Variants in UNC13C observed in about 807,000 individuals in gnomAD.
UNC13C encodes unc-13 homolog C, also known as protein unc-13 homolog C.
In UNC13C, 174 loss-of-function variants were observed where a neutral mutation model predicts 245.4. That is an observed-to-expected ratio of 0.71 (90% confidence interval 0.63 to 0.80). The LOEUF is 0.80. Among genes scored for constraint, UNC13C ranks in the 30% least tolerant of loss-of-function variants. UNC13C has a pLI of 0.00. For missense variants in UNC13C, 2,829 were observed against 2,602.9 expected (o/e 1.09, Z -1.89); for synonymous variants, 992 against 895.1 (o/e 1.11, Z -1.93).
chr15:54,345,695 C>G (rs1190137314), intron 17 of UNC13C, among the ~76,000 whole-genome samples: 2 of 152,198 alleles, frequency 1.3e-5, no homozygotes, highest in Non-Finnish European at 2.9e-5. Context: ...CAACCTGCCA[C>G]CCCACTATAT....
At chr15:54,317,641 C>A (rs2038042410) in intron 13 of UNC13C, among the ~76,000 whole-genome samples, 1 of 151,840 alleles carries the variant, frequency 6.6e-6, no homozygotes, top group South Asian at 2.1e-4. Flanking sequence ...ACATATTTAT[C>A]ATGTACAATA....
chr15:54,451,877 A>G (rs1891198999), intron 19 of UNC13C, among the ~76,000 whole-genome samples: 1 of 152,164 alleles, frequency 6.6e-6, no homozygotes, highest in Non-Finnish European at 1.5e-5. Context: ...CACCTGATAT[A>G]ACAGTTGCCT....
chr15:53,926,512 A>G, the UNC13C span, among the ~76,000 whole-genome samples: 433 of 152,338 alleles, frequency 2.8e-3, no homozygotes, highest in African/African-American at 0.01. Flanking sequence ...GGATAATGAA[A>G]CAGAAATATT....
At chr15:54,471,877 C>T (rs954043362) in intron 19 of UNC13C, among the ~76,000 whole-genome samples, 1 of 151,582 alleles carries the variant, frequency 6.6e-6, no homozygotes, top group Non-Finnish European at 1.5e-5. Flanking sequence ...ATGTAGCTAG[C>T]ATATAGTTGG....
chr15:54,217,820 C>T (rs2035088388), intron 4 of UNC13C, among the ~76,000 whole-genome samples: 2 of 151,846 alleles, frequency 1.3e-5, no homozygotes, highest in Admixed American at 6.6e-5. Context: ...CTGACTAACC[C>T]TCTTTAGTGT....
intron 4 of UNC13C, among the ~76,000 whole-genome samples, chr15:54,182,102 G>A (rs1233801259): frequency 6.6e-6 from 1 of 151,970 alleles, no homozygotes; most frequent in Non-Finnish European, 1.5e-5. Flanking sequence ...GAGCATCCTT[G>A]TCTTGTTTTA....
At chr15:54,142,975 C>T in intron 2 of UNC13C, 43 bp from the exon 3 acceptor site, 2 of 1,575,084 alleles carry the variant, frequency 1.3e-6, no homozygotes, top group Non-Finnish European at 1.7e-6. Context: ...TTGAAAAGTA[C>T]TCCATCTAAC....
At chr15:54,274,215 C>A (rs1265266107) in intron 10 of UNC13C, among the ~76,000 whole-genome samples, 1 of 152,046 alleles carries the variant, frequency 6.6e-6, no homozygotes, top group Non-Finnish European at 1.5e-5. Context: ...AGATATTTGA[C>A]TCCAAATAAA....
At chr15:54,565,776 AT>A (rs1483880209) in intron 29 of UNC13C, among the ~76,000 whole-genome samples, 1 of 152,004 alleles carries the variant, frequency 6.6e-6, no homozygotes, top group Non-Finnish European at 1.5e-5. Flanking sequence ...ATTATTATTA[AT>A]TTTCTACAAT....
At chr15:53,896,706 T>A in the UNC13C span, among the ~76,000 whole-genome samples, 1 of 152,156 alleles carries the variant, frequency 6.6e-6, no homozygotes, top group Non-Finnish European at 1.5e-5. Flanking sequence ...TCCCTAAAGA[T>A]GTAAGGAGTG....
chr15:54,386,018 T>C (rs1481335866), intron 17 of UNC13C, among the ~76,000 whole-genome samples: 1 of 152,126 alleles, frequency 6.6e-6, no homozygotes, highest in Non-Finnish European at 1.5e-5. Context: ...TATCAATCAT[T>C]TTGTTCCCTG....
At chr15:54,078,740 T>C (rs1898772318) in intron 2 of UNC13C, among the ~76,000 whole-genome samples, 1 of 152,156 alleles carries the variant, frequency 6.6e-6, no homozygotes, top group African/African-American at 2.4e-5. Context: ...GTTGAGTGTG[T>C]AGTTTGCAAA....
chr15:53,924,246 AAG>A, the UNC13C span, among the ~76,000 whole-genome samples: 33,719 of 151,982 alleles, frequency 0.22, 4,295 homozygotes, highest in Middle Eastern at 0.28. Context: ...AAAACAAAAA[AAG>A]AGATAGCACG....
rs59965194 is a variant in UNC13C, at chr15:54,089,660, C to CTT, written c.2984-53342_2984-53341dup. Among the ~76,000 whole-genome samples the CTT allele has an allele frequency of 1.1e-3, 157 of 140,466 alleles. 1 individual carries two copies. Among genetic ancestry groups the CTT allele is most frequent in the South Asian group, 1.3e-3 (6 of 4,526 alleles). The allele number at this position is 140,466 out of a possible 152,430, so 92.2% of individuals were successfully genotyped here. A position where few individuals can be genotyped will look rare whatever the true frequency, so the allele number is the denominator to read the frequency against. The stretch of plus-strand genomic sequence containing the variant: ...CACTTATGGTTATTGCTTCCAATAT[C>CTT]TTTTTTTTTTTTTTTTTCCCACAAC... On this transcript the variant is annotated intron_variant, in intron 2 of 32. Coordinates refer to ENST00000260323, the MANE Select transcript of UNC13C (RefSeq NM_001080534.3).
At chr15:54,592,324 TAC>T (rs928257022) in intron 30 of UNC13C, among the ~76,000 whole-genome samples, 1 of 152,182 alleles carries the variant, frequency 6.6e-6, no homozygotes, top group Non-Finnish European at 1.5e-5. Context: ...AGTTCCAAGG[TAC>T]AGTTTAAATC....
intron 13 of UNC13C, among the ~76,000 whole-genome samples, chr15:54,301,054 C>T (rs1377896917): frequency 1.3e-5 from 2 of 152,096 alleles, no homozygotes; most frequent in Admixed American, 1.3e-4. Context: ...CAGAAGTATT[C>T]ATTACTTCCC....
At chr15:54,434,739 C>A (rs1029846021) in intron 19 of UNC13C, among the ~76,000 whole-genome samples, 2 of 152,016 alleles carry the variant, frequency 1.3e-5, no homozygotes, top group Non-Finnish European at 2.9e-5. Context: ...CAAATGGGAT[C>A]TAATTAAACT....
intron 29 of UNC13C, among the ~76,000 whole-genome samples, chr15:54,557,533 T>C (rs1897138560): frequency 6.6e-6 from 1 of 151,712 alleles, no homozygotes; most frequent in Non-Finnish European, 1.5e-5. Context: ...GAGTACAACT[T>C]AAAAGAGTTT....
intron 29 of UNC13C, among the ~76,000 whole-genome samples, chr15:54,567,245 A>G (rs1157702839): frequency 6.6e-6 from 1 of 152,112 alleles, no homozygotes; most frequent in Non-Finnish European, 1.5e-5. Context: ...TTTATCAGAC[A>G]CAAAGTTCAA....
Sources: gnomAD v4.1 joint callset for allele counts (sites outside exome capture counted in the v4.1 genomes callset) on GRCh38, gnomAD v4.1.1 for gene constraint, MANE v1.5 for transcripts, NCBI Gene and HGNC (gene_info 2026-07-23, HGNC 2026-07-21) for gene names.